The following FHIT variants were observed in gnomAD, a reference collection of about 807,000 sequenced individuals.
FHIT encodes fragile histidine triad diadenosine triphosphatase, also known as bis(5'-adenosyl)-triphosphatase.
Under a neutral mutation model 17.9 loss-of-function variants are expected in FHIT, and 19 were observed. The ratio of observed to expected loss-of-function variants is 1.06; its 90% CI spans 0.74 to 1.56. The LOEUF is 1.56. FHIT is among the 40% of genes most tolerant of loss of function. FHIT has a pLI of 0.00. For synonymous variants in FHIT, 81 were observed against 69.7 expected, an observed-to-expected ratio of 1.16 and a Z score of -0.81; for missense variants, 248 against 189.2, an observed-to-expected ratio of 1.31 and a Z score of -1.82.
chr3:59,863,589 G>A (rs942500803), intron 8 of FHIT, among the ~76,000 whole-genome samples: 4 of 152,246 alleles, frequency 2.6e-5, no homozygotes, highest in Admixed American at 2.0e-4. Flanking sequence ...TTCATTCACA[G>A]CTCTACTCCC....
chr3:60,823,144 A>G (rs763010765), intron 3 of FHIT, among the ~76,000 whole-genome samples: 1 of 152,318 alleles, frequency 6.6e-6, no homozygotes, highest in South Asian at 2.1e-4. Flanking sequence ...ATAATAGTCC[A>G]AGATCAGGCC....
chr3:59,786,330 C>T (rs1699292413), intron 8 of FHIT, among the ~76,000 whole-genome samples: 1 of 152,202 alleles, frequency 6.6e-6, no homozygotes, highest in Non-Finnish European at 1.5e-5. Context: ...CACACAGAAG[C>T]TGGCAAGACA....
chr3:60,259,182 C>A (rs1485680861), intron 5 of FHIT, among the ~76,000 whole-genome samples: 2 of 152,038 alleles, frequency 1.3e-5, no homozygotes, highest in Non-Finnish European at 2.9e-5. Context: ...CCAGGAATTG[C>A]TGAGGTAGAG....
At chr3:60,954,781 G>C in intron 3 of FHIT, among the ~76,000 whole-genome samples, 1 of 152,162 alleles carries the variant, frequency 6.6e-6, no homozygotes, top group Non-Finnish European at 1.5e-5. Context: ...ATAGATTAGG[G>C]AAGGCAAATA....
At chr3:60,007,364 T>G (rs562841241) in intron 7 of FHIT, among the ~76,000 whole-genome samples, 1 of 152,192 alleles carries the variant, frequency 6.6e-6, no homozygotes, top group African/African-American at 2.4e-5. Flanking sequence ...AGACTTTTGA[T>G]AGAGATTCCA....
rs746649804 is a variant in FHIT at position 61,036,901 on chromosome 3, G to GTTTTTTTTTTTTTTTTTTTTTT, written c.-111+5145_-111+5146insAAAAAAAAAAAAAAAAAAAAAA. On this transcript the variant is annotated intron_variant, in intron 3 of 9. Coordinates refer to ENST00000492590, the MANE Select transcript of FHIT (RefSeq NM_002012.4). ...TTCACCTCAAAGATCAGTCTGCTTT[G>GTTTTTTTTTTTTTTTTTTTTTT]TTTTTTTTTTTTGTTTGTTTGTTTT... 2.6e-4 allele frequency among the ~76,000 whole-genome samples: 18 copies of GTTTTTTTTTTTTTTTTTTTTTT among 70,306 alleles called. 1 individual carries two copies. The highest frequency in any genetic ancestry group is 7.3e-4 in the Admixed American group (4 of 5,448). 46.1% of individuals were successfully genotyped at this position (70,306 alleles called of 152,430 possible). A position where few individuals can be genotyped will look rare whatever the true frequency, so the allele number is the denominator to read the frequency against.
At position 60,040,297 on chromosome 3, in the gene FHIT, C is replaced by A. The variant is rs1701384529; in HGVS notation, c.104-26145G>T. On this transcript the variant is annotated intron_variant, in intron 5 of 9. Coordinates refer to ENST00000492590, the MANE Select transcript of FHIT (RefSeq NM_002012.4). ...AGTAGCTGGGATTACAGGCATGTAC[C>A]ACCATGCCCAGCTAATTTTTCTATT... 2.0e-5 allele frequency among the ~76,000 whole-genome samples: 3 copies of A among 152,046 alleles called. No individual in the cohort carries two copies. In the South Asian group the frequency reaches 6.2e-4, roughly 32 times the overall value.
chr3:61,009,050 T>C (rs759480480), intron 3 of FHIT, among the ~76,000 whole-genome samples: 1 of 152,172 alleles, frequency 6.6e-6, no homozygotes, highest in Non-Finnish European at 1.5e-5. Flanking sequence ...CCAATAATTG[T>C]GTTTCTTCCC....
intron 4 of FHIT, among the ~76,000 whole-genome samples, chr3:60,669,377 A>G (rs1016850058): frequency 1.3e-5 from 2 of 152,210 alleles, no homozygotes; most frequent in African/African-American, 4.8e-5. Context: ...GGTCATCACA[A>G]TCTCACAATC....
chr3:59,796,916 C>T (rs140478543), intron 8 of FHIT, among the ~76,000 whole-genome samples: 1 of 152,302 alleles, frequency 6.6e-6, no homozygotes, highest in East Asian at 1.9e-4. Flanking sequence ...ATAGCTTCCT[C>T]AAACTTTCAA....
chr3:60,441,486 TCTC>T (rs964573521), intron 5 of FHIT, among the ~76,000 whole-genome samples: 5 of 151,320 alleles, frequency 3.3e-5, no homozygotes, highest in African/African-American at 4.9e-5. Context: ...ATCTCAAACT[TCTC>T]CTTGAACAAC....
At chr3:60,066,302 T>C (rs1702500393) in intron 5 of FHIT, among the ~76,000 whole-genome samples, 1 of 152,204 alleles carries the variant, frequency 6.6e-6, no homozygotes, top group Non-Finnish European at 1.5e-5. Context: ...CCGAATGAAT[T>C]TCCCAACGAT....
In FHIT at chr3:60,585,850, T is replaced by C. The variant is rs538662918; in HGVS notation, c.-17-48871A>G. On this transcript the variant is annotated intron_variant, in intron 4 of 9. Coordinates refer to ENST00000492590, the MANE Select transcript of FHIT (RefSeq NM_002012.4). ...ATTATTACAGTTGTTTTACTATTTT[T>C]TTTAATTCCAGATTTGGATAAATTT... Among the ~76,000 whole-genome samples, 17 of 152,138 alleles carry C rather than the reference T, an allele frequency of 1.1e-4. No homozygotes were observed. The South Asian group carries it at 3.1e-3, about 28-fold the overall frequency.
intron 2 of FHIT, among the ~76,000 whole-genome samples, chr3:61,154,075 A>G (rs7646749): frequency 0.098 from 14,916 of 152,140 alleles, 2,429 homozygotes; most frequent in African/African-American, 0.34. Context: ...ACAACTGCCC[A>G]TTGTCTTAAA....
chr3:61,224,286 G>A (rs2039910832), intron 1 of FHIT, among the ~76,000 whole-genome samples: 2 of 152,158 alleles, frequency 1.3e-5, no homozygotes, highest in African/African-American at 4.8e-5. Context: ...ATACTTCTTT[G>A]GAGTAGGGAT....
chr3:60,475,723 C>T (rs1250595973), intron 5 of FHIT, among the ~76,000 whole-genome samples: 1 of 152,184 alleles, frequency 6.6e-6, no homozygotes, highest in Non-Finnish European at 1.5e-5. Context: ...CACCAAATAC[C>T]CAATATCTGA....
chr3:60,183,779 CT>C (rs1702044274), intron 5 of FHIT, among the ~76,000 whole-genome samples: 1 of 152,108 alleles, frequency 6.6e-6, no homozygotes, highest in Non-Finnish European at 1.5e-5. Context: ...AAAATATTTC[CT>C]ACTGTGGCCC....
intron 4 of FHIT, among the ~76,000 whole-genome samples, chr3:60,753,398 A>T (rs1389831687): frequency 2.6e-5 from 4 of 152,206 alleles, no homozygotes; most frequent in African/African-American, 9.6e-5. Context: ...AATCACAAAA[A>T]GGGAGAGAAA....
intron 3 of FHIT, among the ~76,000 whole-genome samples, chr3:60,929,570 A>C (rs1228470518): frequency 6.6e-6 from 1 of 150,592 alleles, no homozygotes; most frequent in Admixed American, 6.6e-5. Context: ...TACCAATAAA[A>C]GACAAACAGA....
Sources: allele counts gnomAD v4.1 joint callset (sites outside exome capture counted in the v4.1 genomes callset), GRCh38; gene constraint gnomAD v4.1.1; transcripts MANE v1.5; gene names NCBI Gene and HGNC (gene_info 2026-07-23, HGNC 2026-07-21).